Variants in PTPRD observed in about 807,000 individuals in gnomAD.
The protein encoded by PTPRD is receptor-type tyrosine-protein phosphatase delta.
PTPRD carries 34 observed loss-of-function variants against 214.5 expected under a neutral mutation model. The observed-to-expected ratio is 0.16, with a 90% CI of 0.12 to 0.21. PTPRD has a LOEUF of 0.21. PTPRD is among the 10% of genes least tolerant of loss of function. The pLI, the probability that PTPRD is intolerant of heterozygous loss-of-function variation, is 1.00. For missense variants in PTPRD, 2,545 were observed against 2,398.7 expected (o/e 1.06, Z -1.27); for synonymous variants, 1,128 against 845.7 (o/e 1.33, Z -5.79).
chr9:8,603,731 T>C (rs1315187938), intron 14 of PTPRD, among the ~76,000 whole-genome samples: 1 of 152,226 alleles, frequency 6.6e-6, no homozygotes, highest in African/African-American at 2.4e-5. Flanking sequence ...TCCATTGATA[T>C]AATCAATCTA....
At chr9:8,924,913 C>G (rs923488161) in intron 11 of PTPRD, among the ~76,000 whole-genome samples, 2 of 152,116 alleles carry the variant, frequency 1.3e-5, no homozygotes, top group Admixed American at 1.3e-4. Flanking sequence ...ATGAAGCCAT[C>G]ATTTACAACA....
At chr9:9,162,560 G>A (rs977687200) in intron 10 of PTPRD, among the ~76,000 whole-genome samples, 17 of 151,972 alleles carry the variant, frequency 1.1e-4, no homozygotes, top group African/African-American at 3.4e-4. Flanking sequence ...ATCCTTCCCC[G>A]CTGGATTCCT....
At chr9:9,070,991 G>A (rs1000897600) in intron 10 of PTPRD, among the ~76,000 whole-genome samples, 3 of 152,062 alleles carry the variant, frequency 2.0e-5, no homozygotes, top group African/African-American at 7.2e-5. Flanking sequence ...CCAGCTCACT[G>A]CAGCCTCGAA....
At position 9,354,545 on chromosome 9, in the gene PTPRD, T is replaced by C. The variant is rs12237886; in HGVS notation, c.-203+42904A>G. 6.2e-4 allele frequency among the ~76,000 whole-genome samples: 94 copies of C among 151,904 alleles called. 2 individuals carry two copies. In the East Asian group the frequency reaches 0.017, roughly 27 times the overall value. On this transcript the variant is annotated intron_variant, in intron 9 of 45. Coordinates refer to ENST00000381196, the MANE Select transcript of PTPRD (RefSeq NM_002839.4). Reference sequence around the variant, plus strand: ...ACATTTTTTTTTGTGGTAGGCTCTCTCCTAGCTGGGAATTCATCAGTGAAT... The same window carrying C: ...ACATTTTTTTTTGTGGTAGGCTCTCCCCTAGCTGGGAATTCATCAGTGAAT...
chr9:9,347,145 G>C (rs972406832), intron 9 of PTPRD, among the ~76,000 whole-genome samples: 1 of 151,980 alleles, frequency 6.6e-6, no homozygotes, highest in African/African-American at 2.4e-5. Context: ...CTGCAGCCTG[G>C]GTAACAGAGT....
intron 8 of PTPRD, among the ~76,000 whole-genome samples, chr9:9,476,101 A>G (rs1269108405): frequency 6.6e-6 from 1 of 152,196 alleles, no homozygotes; most frequent in African/African-American, 2.4e-5. Context: ...ATAATCTTTC[A>G]TCTTTTGGTG....
At chr9:10,151,062 T>C (rs1450827212) in intron 3 of PTPRD, among the ~76,000 whole-genome samples, 2 of 140,578 alleles carry the variant, frequency 1.4e-5, no homozygotes, top group African/African-American at 5.6e-5. Flanking sequence ...TTGTTAACTT[T>C]TTTTTTTTTT....
intron 14 of PTPRD, among the ~76,000 whole-genome samples, chr9:8,539,733 G>C (rs2077881322): frequency 6.6e-6 from 1 of 151,960 alleles, no homozygotes; most frequent in Admixed American, 6.6e-5. Context: ...AGAACATTTT[G>C]TTAAATAACA....
At chr9:9,108,907 C>A (rs183578046) in intron 10 of PTPRD, among the ~76,000 whole-genome samples, 1 of 152,156 alleles carries the variant, frequency 6.6e-6, no homozygotes, top group African/African-American at 2.4e-5. Flanking sequence ...TCAGAGTTAT[C>A]CTTTTAATTA....
intron 11 of PTPRD, among the ~76,000 whole-genome samples, chr9:8,811,709 GA>G (rs1368171216): frequency 6.6e-6 from 1 of 151,680 alleles, no homozygotes; most frequent in African/African-American, 2.4e-5. Context: ...TCATATCACT[GA>G]AAAAGTCTAG....
intron 7 of PTPRD, among the ~76,000 whole-genome samples, chr9:9,635,116 G>A (rs1365494411): frequency 6.6e-6 from 1 of 152,118 alleles, no homozygotes; most frequent in Non-Finnish European, 1.5e-5. Flanking sequence ...TCCATCTATG[G>A]CTAAGAAGGA....
At chr9:9,977,772 T>G (rs940853131) in intron 4 of PTPRD, among the ~76,000 whole-genome samples, 2 of 152,122 alleles carry the variant, frequency 1.3e-5, no homozygotes, top group African/African-American at 4.8e-5. Flanking sequence ...AGAAGGGAAT[T>G]TAGGGTTTAT....
intron 5 of PTPRD, among the ~76,000 whole-genome samples, chr9:9,793,030 C>G (rs1487561664): frequency 6.6e-6 from 1 of 152,002 alleles, no homozygotes. Context: ...ATTGTAGGCA[C>G]AAAAATGACC....
intron 7 of PTPRD, among the ~76,000 whole-genome samples, chr9:9,733,416 G>A (rs1164966501): frequency 2.0e-5 from 3 of 152,102 alleles, no homozygotes; most frequent in Non-Finnish European, 4.4e-5. Context: ...TTAACCTCAA[G>A]TCTTCAGTAA....
chr9:10,177,612 C>T (rs913073559), intron 3 of PTPRD, among the ~76,000 whole-genome samples: 3 of 151,712 alleles, frequency 2.0e-5, no homozygotes, highest in African/African-American at 7.3e-5. Context: ...ATGATAGGGG[C>T]TCAAATCAGG....
chr9:9,051,240 T>A (rs1024474607), intron 10 of PTPRD, among the ~76,000 whole-genome samples: 3 of 152,178 alleles, frequency 2.0e-5, no homozygotes, highest in Admixed American at 1.3e-4. Context: ...TCTAAAAAAA[T>A]TATAAAATAT....
Position 9,069,390 on chromosome 9 carries a change from T to C in PTPRD, c.-142-50655A>G, listed in dbSNP as rs536208665. On this transcript the variant is annotated intron_variant, in intron 10 of 45. Coordinates refer to ENST00000381196, the MANE Select transcript of PTPRD (RefSeq NM_002839.4). ...CTTTCATACATTCATGACTTAAACG[T>C]CTTTGTGACTAGAATGAGCTGGTTT... Among the ~76,000 whole-genome samples, 132 of 152,266 alleles carry C rather than the reference T, an allele frequency of 8.7e-4. 1 individual carries two copies. The South Asian group carries it at 9.1e-3, about 11-fold the overall frequency.
At chr9:10,023,863 T>C (rs1179094923) in intron 4 of PTPRD, among the ~76,000 whole-genome samples, 1 of 152,152 alleles carries the variant, frequency 6.6e-6, no homozygotes. Context: ...TTCTCAAAAA[T>C]GCTTCTTTGT....
At chr9:9,834,698 G>A (rs2056198276) in intron 5 of PTPRD, among the ~76,000 whole-genome samples, 1 of 151,972 alleles carries the variant, frequency 6.6e-6, no homozygotes, top group Non-Finnish European at 1.5e-5. Flanking sequence ...TCTAGGAAGG[G>A]TAAAACATTA....
Sources: allele counts gnomAD v4.1 joint callset (sites outside exome capture counted in the v4.1 genomes callset), GRCh38; gene constraint gnomAD v4.1.1; transcripts MANE v1.5; gene names NCBI Gene and HGNC (gene_info 2026-07-23, HGNC 2026-07-21).